Variants in SPATA13 observed in about 807,000 individuals in gnomAD.
SPATA13 encodes spermatogenesis associated 13.
A neutral mutation model predicts 104.0 loss-of-function variants in SPATA13; 50 were observed. That is an observed-to-expected ratio of 0.48 (90% CI 0.38 to 0.61). The LOEUF (loss-of-function observed/expected upper bound fraction) is 0.61, where lower values mean the gene tolerates loss of function less well. SPATA13 is among the 20% of genes least tolerant of loss of function. The probability of loss-of-function intolerance (pLI) is 0.00; values close to 1 mark genes in which losing one functional copy is unlikely to be tolerated. For missense variants in SPATA13, 1,524 were observed against 1,690.6 expected (o/e 0.90, Z 1.73); for synonymous variants, 606 against 667.5 (o/e 0.91, Z 1.42).
chr13:24,214,378 A>T lies in SPATA13; in HGVS notation c.-111-8441A>T, dbSNP rs527996191. On this transcript the variant is annotated intron_variant, in intron 1 of 12. Coordinates refer to ENST00000382108, the MANE Select transcript of SPATA13 (RefSeq NM_001166271.3). ...CTATTAGCAATGACCTATAACTATC[A>T]ACTTTACATGTTACCAAGAAAGGTG... 1.6e-4 allele frequency among the ~76,000 whole-genome samples: 24 copies of T among 152,364 alleles called. 1 individual carries two copies. Among genetic ancestry groups the T allele is most frequent in the Admixed American group, 1.4e-3 (21 of 15,314 alleles).
intron 3 of SPATA13, among the ~76,000 whole-genome samples, chr13:24,138,227 A>C (rs113035097): frequency 0.016 from 2,431 of 151,934 alleles, 60 homozygotes; most frequent in African/African-American, 0.055. Flanking sequence ...GAATTGCTTG[A>C]ACCCAGAAGG....
chr13:24,265,681 G>C (rs1298912467), intron 4 of SPATA13, among the ~76,000 whole-genome samples: 1 of 152,046 alleles, frequency 6.6e-6, no homozygotes, highest in East Asian at 1.9e-4. Context: ...CCATCCTTCC[G>C]CCCATGTCCT....
At chr13:24,126,585 C>T (rs554751990) in intron 3 of SPATA13, among the ~76,000 whole-genome samples, 1 of 152,280 alleles carries the variant, frequency 6.6e-6, no homozygotes, top group Non-Finnish European at 1.5e-5. Context: ...AGGACAGAGA[C>T]AGGTTCTGTC....
chr13:24,186,070 C>T (rs564093056), intron 1 of SPATA13, among the ~76,000 whole-genome samples: 4 of 152,312 alleles, frequency 2.6e-5, no homozygotes, highest in Admixed American at 6.5e-5. Context: ...AACTGTCAAT[C>T]ACATCTAGAA....
chr13:24,268,108 C>T (rs544388027), intron 4 of SPATA13, among the ~76,000 whole-genome samples: 3 of 152,256 alleles, frequency 2.0e-5, no homozygotes, highest in Admixed American at 6.5e-5. Flanking sequence ...AAAAAAAGAG[C>T]GTCATAGCCA....
At chr13:24,162,208 C>T (rs1030702102) in intron 1 of SPATA13, among the ~76,000 whole-genome samples, 1 of 152,174 alleles carries the variant, frequency 6.6e-6, no homozygotes, top group African/African-American at 2.4e-5. Context: ...CCAGTTCTCC[C>T]ATCTCCTTCC....
chr13:24,198,968 A>G (rs1387882466), intron 1 of SPATA13, among the ~76,000 whole-genome samples: 1 of 109,904 alleles, frequency 9.1e-6, no homozygotes, highest in Non-Finnish European at 2.0e-5. Flanking sequence ...TTTTTTTTTA[A>G]GGCAGGGTCT....
intron 4 of SPATA13, among the ~76,000 whole-genome samples, chr13:24,282,547 C>T (rs1374948532): frequency 6.6e-6 from 1 of 151,954 alleles, no homozygotes; most frequent in Non-Finnish European, 1.5e-5. Context: ...CTTGGCCTCC[C>T]AACATGGATC....
intron 1 of SPATA13, among the ~76,000 whole-genome samples, chr13:24,188,149 T>C (rs555242341): frequency 1.3e-5 from 2 of 152,240 alleles, no homozygotes; most frequent in East Asian, 3.9e-4. Context: ...GAGACCAGCC[T>C]GGGCAACATG....
chr13:24,082,697 G>A (rs1171329301), intron 3 of SPATA13, among the ~76,000 whole-genome samples: 1 of 150,810 alleles, frequency 6.6e-6, no homozygotes, highest in Non-Finnish European at 1.5e-5. Flanking sequence ...GCGGGCGCCT[G>A]TAGTCCCAGC....
chr13:24,193,619 C>T (rs1869894003), intron 1 of SPATA13, among the ~76,000 whole-genome samples: 1 of 152,154 alleles, frequency 6.6e-6, no homozygotes, highest in South Asian at 2.1e-4. Flanking sequence ...AGAAGGGGCA[C>T]TCAGGTGGGA....
intron 3 of SPATA13, among the ~76,000 whole-genome samples, chr13:24,113,074 G>A (rs1880700154): frequency 6.6e-6 from 1 of 152,192 alleles, no homozygotes. Context: ...CTGTCACTGA[G>A]GGACTTCTCG....
In SPATA13 at chr13:24,302,954, G is replaced by A; in HGVS notation, c.*181G>A. Reference sequence around the variant, plus strand: ...TCTTTGGAGACCCAGCTGCCTTTGTGGAAGGGAGGAGACGGTCATGACACA... The same window carrying A: ...TCTTTGGAGACCCAGCTGCCTTTGTAGAAGGGAGGAGACGGTCATGACACA... On this transcript the variant is annotated 3_prime_UTR_variant, in exon 13 of 13. Transcript: ENST00000382108. 1 of 726,404 alleles carries A rather than the reference G, an allele frequency of 1.4e-6. No homozygotes were observed. Among genetic ancestry groups the A allele is most frequent in the South Asian group, 1.8e-5 (1 of 55,964 alleles). 45.0% of individuals were successfully genotyped at this position (726,404 alleles called of 1,614,324 possible).
chr13:24,260,706 C>T (rs991401537), intron 4 of SPATA13, among the ~76,000 whole-genome samples: 6 of 152,132 alleles, frequency 3.9e-5, no homozygotes, highest in African/African-American at 1.4e-4. Flanking sequence ...ATGGAAAAAT[C>T]GAGGAGTCTA....
At position 24,254,915 on chromosome 13, in the gene SPATA13, A is replaced by C. The variant is rs569612959; in HGVS notation, c.2164+3053A>C. ...CTGCACATTGGGACAGCATGTCCACATGATGATTGATTAGCCTCTCTTGCA... is the reference window on the plus strand; with the variant it reads ...CTGCACATTGGGACAGCATGTCCACCTGATGATTGATTAGCCTCTCTTGCA... On this transcript the variant is annotated intron_variant, in intron 4 of 12. Transcript: ENST00000382108. 2.6e-4 allele frequency among the ~76,000 whole-genome samples: 39 copies of C among 152,184 alleles called. 1 individual carries two copies. The highest frequency in any genetic ancestry group is 8.2e-4 in the African/African-American group (34 of 41,536).
chr13:24,032,601 A>G lies in SPATA13; in HGVS notation c.-112+14900A>G, dbSNP rs535330260. Among the ~76,000 whole-genome samples, 219 of 152,312 alleles carry G rather than the reference A, an allele frequency of 1.4e-3. 4 individuals are homozygous for G. The highest frequency in any genetic ancestry group is 5.1e-3 in the African/African-American group (213 of 41,568). On this transcript the variant is annotated intron_variant, in intron 3 of 14. Coordinates refer to the SPATA13 transcript ENST00000424834. ...AAGGTTCCTTCCCTGTCGTTTCTGC[A>G]GTAATGGAGAGTATAGAAGATTTTG...
rs181503990 is a variant in SPATA13 at position 24,213,699 on chromosome 13, A to G, written c.-111-9120A>G. ...AGTATGACTTCATTTATTTTAGTAT[A>G]TTACTAATGAACAACTTTAATATAG... On this transcript the variant is annotated intron_variant, in intron 1 of 12. Transcript: ENST00000382108. 2.8e-3 allele frequency among the ~76,000 whole-genome samples: 421 copies of G among 152,330 alleles called. 2 individuals are homozygous for G. Among genetic ancestry groups the G allele is most frequent in the Admixed American group, 5.4e-3 (82 of 15,298 alleles).
chr13:24,200,790 A>C (rs1424652732), intron 1 of SPATA13, among the ~76,000 whole-genome samples: 2 of 151,752 alleles, frequency 1.3e-5, no homozygotes, highest in Non-Finnish European at 2.9e-5. Context: ...GGTCATAAAA[A>C]TCTCACAATC....
chr13:24,293,339 T>C (rs1194919387), intron 9 of SPATA13, among the ~76,000 whole-genome samples: 1 of 151,862 alleles, frequency 6.6e-6, no homozygotes, highest in African/African-American at 2.4e-5. Flanking sequence ...AATGTCCTGA[T>C]GGCATGATGA....
Sources: gnomAD v4.1 joint callset for allele counts (sites outside exome capture counted in the v4.1 genomes callset) on GRCh38, gnomAD v4.1.1 for gene constraint, MANE v1.5 for transcripts, NCBI Gene and HGNC (gene_info 2026-07-23, HGNC 2026-07-21) for gene names.